Variants in NXPH1 observed in about 807,000 individuals in gnomAD.
NXPH1 encodes the protein neurexophilin 1.
Under a neutral mutation model 23.7 loss-of-function variants are expected in NXPH1, and 5 were observed. That is an observed-to-expected ratio of 0.21 (90% CI 0.11 to 0.44). The LOEUF (loss-of-function observed/expected upper bound fraction) is 0.44. NXPH1 is among the 20% of genes least tolerant of loss of function. The pLI, the probability that NXPH1 is intolerant of heterozygous loss-of-function variation, is 0.99. For missense variants in NXPH1, 324 were observed against 321.6 expected (o/e 1.01, Z -0.06); for synonymous variants, 144 against 122.2 (o/e 1.18, Z -1.18).
intron 2 of NXPH1, among the ~76,000 whole-genome samples, chr7:8,628,175 A>G (rs1454872298): frequency 6.6e-6 from 1 of 152,144 alleles, no homozygotes; most frequent in Non-Finnish European, 1.5e-5. Context: ...TATGTGGATT[A>G]CTTAGTAACT....
chr7:8,680,907 A>G (rs1821039958), intron 2 of NXPH1, among the ~76,000 whole-genome samples: 1 of 152,264 alleles, frequency 6.6e-6, no homozygotes, highest in Non-Finnish European at 1.5e-5. Flanking sequence ...AAAGGATCAC[A>G]TGACCTAAAG....
chr7:8,434,641 C>G lies in NXPH1; in HGVS notation c.-225C>G, dbSNP rs948383099. ...ACCCGTCTGCGCTCGAGCATGGAGA[C>G]GGAGCGCCTGGGAGGGCACGTCCGG... On this transcript the variant is annotated 5_prime_UTR_variant, in exon 1 of 3. Coordinates refer to ENST00000405863, the MANE Select transcript of NXPH1 (RefSeq NM_152745.3). This position sits in a 1 kb window ranked among gnomAD's most constrained non-coding sequence, Gnocchi z 7.6. The G allele has an allele frequency of 6.5e-6, 1 of 152,730 alleles. No individual in the cohort carries two copies. The highest frequency in any genetic ancestry group is 2.4e-5 in the African/African-American group (1 of 41,468). 9.5% of individuals were successfully genotyped at this position (152,730 alleles called of 1,614,324 possible).
chr7:8,477,203 C>T (rs752936767), intron 2 of NXPH1, among the ~76,000 whole-genome samples: 7 of 152,222 alleles, frequency 4.6e-5, no homozygotes, highest in African/African-American at 1.2e-4. Context: ...TGACCTGGGA[C>T]AGCAAATGTC....
rs111744023 is a variant in NXPH1, at chr7:8,488,506, C to T, written c.54+52739C>T. Among the ~76,000 whole-genome samples, 649 of 152,246 alleles carry T rather than the reference C, an allele frequency of 4.3e-3. 4 individuals are homozygous for T. The highest frequency in any genetic ancestry group is 0.015 in the African/African-American group (609 of 41,564). ...AAAATGACTGAAACCCAGGCCTCAT[C>T]TCCCTTGGTTTTGTAATTCTTTCTC... On this transcript the variant is annotated intron_variant, in intron 2 of 2. Coordinates refer to ENST00000405863, the MANE Select transcript of NXPH1 (RefSeq NM_152745.3).
At chr7:8,592,620 A>G (rs1011383450) in intron 2 of NXPH1, among the ~76,000 whole-genome samples, 2 of 151,996 alleles carry the variant, frequency 1.3e-5, no homozygotes, top group African/African-American at 4.8e-5. Context: ...AATCTTGGCA[A>G]ATGTTTCCAC....
intron 2 of NXPH1, among the ~76,000 whole-genome samples, chr7:8,494,146 T>C (rs1018362423): frequency 6.6e-6 from 1 of 151,792 alleles, no homozygotes; most frequent in African/African-American, 2.4e-5. Flanking sequence ...CACTCTGTTT[T>C]CTAACTTGAT....
chr7:8,586,891 G>A (rs190263850), intron 2 of NXPH1, among the ~76,000 whole-genome samples: 1 of 152,144 alleles, frequency 6.6e-6, no homozygotes, highest in Admixed American at 6.5e-5. Flanking sequence ...AAAACACCAT[G>A]CAATACTCTA....
rs1820750150 is a variant in NXPH1, at chr7:8,665,738, G to A, written c.55-85270G>A. On this transcript the variant is annotated intron_variant, in intron 2 of 2. Transcript: ENST00000405863. ...GCACAGATCTTTTACCTTCTTAGCT[G>A]AATTATTTTAAAGTATTTTATTTTT... is the stretch of plus-strand genomic sequence containing the variant. 2.0e-5 allele frequency among the ~76,000 whole-genome samples: 3 copies of A among 151,282 alleles called. No individual in the cohort carries two copies. The South Asian group carries it at 6.3e-4, about 32-fold the overall frequency.
At chr7:8,669,436 C>T (rs1163708905) in intron 2 of NXPH1, among the ~76,000 whole-genome samples, 1 of 151,948 alleles carries the variant, frequency 6.6e-6, no homozygotes, top group Non-Finnish European at 1.5e-5. Context: ...ACCCGAATCT[C>T]AGACCTGGCT....
At chr7:8,579,375 TG>T (rs869274193) in intron 2 of NXPH1, among the ~76,000 whole-genome samples, 1,225 of 68,732 alleles carry the variant, frequency 0.018, 9 homozygotes, top group South Asian at 0.058. Context: ...TTTTTTTTTT[TG>T]TTTTGTTTTT....
chr7:8,448,177 GA>G (rs534400782), intron 2 of NXPH1, among the ~76,000 whole-genome samples: 278 of 152,284 alleles, frequency 1.8e-3, no homozygotes, highest in African/African-American at 6.4e-3. Flanking sequence ...TTCCCTACTT[GA>G]AAAATGGGGC....
At chr7:8,648,383 T>C (rs559131404) in intron 2 of NXPH1, among the ~76,000 whole-genome samples, 61 of 152,352 alleles carry the variant, frequency 4.0e-4, no homozygotes, top group African/African-American at 1.4e-3. Flanking sequence ...GTTTTGATTT[T>C]TAGATCCCAC....
intron 2 of NXPH1, among the ~76,000 whole-genome samples, chr7:8,521,059 T>C (rs1817763231): frequency 6.6e-6 from 1 of 152,302 alleles, no homozygotes; most frequent in East Asian, 1.9e-4. Context: ...ATGTTTTCTC[T>C]GTCAGTTTTC....
chr7:8,725,296 C>A (rs971658193), intron 2 of NXPH1, among the ~76,000 whole-genome samples: 3 of 152,044 alleles, frequency 2.0e-5, no homozygotes, highest in African/African-American at 7.2e-5. Context: ...TCGAGACCAA[C>A]CTGGGCAACA....
intron 2 of NXPH1, among the ~76,000 whole-genome samples, chr7:8,620,868 C>G (rs1819853166): frequency 6.6e-6 from 1 of 152,156 alleles, no homozygotes; most frequent in Non-Finnish European, 1.5e-5. Context: ...CCAATTTGAT[C>G]TGATCTCTTC....
At chr7:8,744,053 A>T (rs1780426522) in intron 2 of NXPH1, among the ~76,000 whole-genome samples, 1 of 151,954 alleles carries the variant, frequency 6.6e-6, no homozygotes, top group Non-Finnish European at 1.5e-5. Context: ...CTAGCCCCAA[A>T]CTCAGTTTCT....
intron 2 of NXPH1, among the ~76,000 whole-genome samples, chr7:8,545,824 G>A (rs1182851312): frequency 6.6e-6 from 1 of 151,422 alleles, no homozygotes; most frequent in African/African-American, 2.4e-5. Flanking sequence ...AGCACTGTCA[G>A]CCCTTAATAC....
At chr7:8,589,062 C>T (rs10249831) in intron 2 of NXPH1, among the ~76,000 whole-genome samples, 40,827 of 151,954 alleles carry the variant, frequency 0.27, 6,019 homozygotes, top group African/African-American at 0.38. Flanking sequence ...TTCAAAACAG[C>T]TTTCTGGTGC....
Position 8,518,875 on chromosome 7 carries a change from C to A in NXPH1, c.54+83108C>A, listed in dbSNP as rs369000780. ...TGTTGAAGTAATATAGGGGCAAGTTCTTAAATTCTTTATATCTCCTTCCCC... is the reference window on the plus strand; with the variant it reads ...TGTTGAAGTAATATAGGGGCAAGTTATTAAATTCTTTATATCTCCTTCCCC... On this transcript the variant is annotated intron_variant, in intron 2 of 2. Transcript: ENST00000405863. 3.7e-4 allele frequency among the ~76,000 whole-genome samples: 57 copies of A among 152,252 alleles called. No homozygotes were observed. In the South Asian group the frequency reaches 0.012, roughly 32 times the overall value.
Sources: gnomAD v4.1 joint callset for allele counts (sites outside exome capture counted in the v4.1 genomes callset) on GRCh38, gnomAD v4.1.1 for gene constraint, Gnocchi (gnomAD v3.1) non-coding constraint, MANE v1.5 for transcripts, NCBI Gene and HGNC (gene_info 2026-07-23, HGNC 2026-07-21) for gene names.